Variants in XPO4 observed in about 807,000 individuals in gnomAD.
The protein encoded by XPO4 is exportin 4.
Under a neutral mutation model 143.0 loss-of-function variants are expected in XPO4, and 39 were observed. The observed-to-expected ratio is 0.27, with a 90% CI of 0.21 to 0.36. The LOEUF (loss-of-function observed/expected upper bound fraction) is 0.36. XPO4 is among the 10% of genes least tolerant of loss of function. The pLI is 1.00. For missense variants in XPO4, 907 were observed against 1,348.0 expected, an observed-to-expected ratio of 0.67 and a Z score of 5.12; for synonymous variants, 439 against 474.0, an observed-to-expected ratio of 0.93 and a Z score of 0.96.
chr13:20,891,707 C>CA (rs1008887168), intron 1 of XPO4, among the ~76,000 whole-genome samples: 9 of 151,416 alleles, frequency 5.9e-5, no homozygotes, highest in African/African-American at 1.9e-4. Context: ...TACTAAAATA[C>CA]AAAAAAATAG....
intron 4 of XPO4, chr13:20,850,877 G>C: frequency 1.0e-6 from 1 of 985,390 alleles, no homozygotes; most frequent in Admixed American, 6.1e-5. Context: ...CCTTCTAGAA[G>C]AGGTGTGAGG....
chr13:20,871,964 A>G (rs1474642792), intron 1 of XPO4, among the ~76,000 whole-genome samples: 2 of 152,218 alleles, frequency 1.3e-5, no homozygotes, highest in African/African-American at 4.8e-5. Context: ...AATATATTAA[A>G]TGGCAGGATG....
chr13:20,782,168 T>G lies in XPO4; in HGVS notation c.*1554A>C, dbSNP rs574265486. 2 of 152,368 alleles carry G rather than the reference T, an allele frequency of 1.3e-5. No individual in the cohort carries two copies. The highest frequency in any genetic ancestry group is 1.3e-4 in the Admixed American group (2 of 15,300). The allele number at this position is 152,368 out of a possible 1,614,324, so 9.4% of individuals were successfully genotyped here. On this transcript the variant is annotated 3_prime_UTR_variant, in exon 23 of 23. Transcript: ENST00000255305. The stretch of plus-strand genomic sequence containing the variant: ...AATAACACAGAATTATACAAAGTTT[T>G]GCACAGCATCACATGTAATGACACA...
chr13:20,895,752 C>T (rs1359289285), intron 1 of XPO4, among the ~76,000 whole-genome samples: 1 of 151,614 alleles, frequency 6.6e-6, no homozygotes, highest in Non-Finnish European at 1.5e-5. Flanking sequence ...TGCAATTTTT[C>T]GTCTTATTTT....
intron 1 of XPO4, among the ~76,000 whole-genome samples, chr13:20,888,797 CAA>C (rs2060483851): frequency 6.6e-6 from 1 of 150,556 alleles, no homozygotes; most frequent in African/African-American, 2.4e-5. Flanking sequence ...AGGATGAAGG[CAA>C]AAAGACACTT....
chr13:20,869,891 G>A (rs1004596357), intron 1 of XPO4, among the ~76,000 whole-genome samples: 1 of 152,056 alleles, frequency 6.6e-6, no homozygotes, highest in Admixed American at 6.6e-5. Context: ...GATAATTTGA[G>A]ATCAGGAATT....
intron 13 of XPO4, among the ~76,000 whole-genome samples, chr13:20,805,205 A>G (rs957782991): frequency 6.6e-6 from 1 of 152,104 alleles, no homozygotes; most frequent in Non-Finnish European, 1.5e-5. Context: ...TTGGCCTCCC[A>G]AAGTGCTAGG....
At chr13:20,828,433 T>C (rs574523521) in intron 6 of XPO4, among the ~76,000 whole-genome samples, 9 of 152,204 alleles carry the variant, frequency 5.9e-5, no homozygotes, top group Admixed American at 2.0e-4. Flanking sequence ...TAAATCGTTA[T>C]TTTTACAGAA....
At chr13:20,796,642 C>G in intron 17 of XPO4, 122 bp downstream of exon 17, 1 of 831,390 alleles carries the variant, frequency 1.2e-6, no homozygotes, top group Non-Finnish European at 1.6e-6. Flanking sequence ...TTTTAAAAAT[C>G]TTTTGAAGGA....
intron 1 of XPO4, among the ~76,000 whole-genome samples, chr13:20,870,786 T>C (rs1022646622): frequency 2.0e-5 from 3 of 152,034 alleles, no homozygotes; most frequent in Non-Finnish European, 4.4e-5. Context: ...TGTCTTTCCA[T>C]TTTCAAATTA....
chr13:20,876,524 C>G (rs1167773135), intron 1 of XPO4, among the ~76,000 whole-genome samples: 1 of 151,816 alleles, frequency 6.6e-6, no homozygotes, highest in East Asian at 1.9e-4. Context: ...TCATATTGTA[C>G]ATAATAATAA....
intron 1 of XPO4, among the ~76,000 whole-genome samples, chr13:20,870,460 A>G (rs1229937498): frequency 6.6e-6 from 1 of 151,796 alleles, no homozygotes; most frequent in Non-Finnish European, 1.5e-5. Context: ...TTACTAATAA[A>G]ACTGTGAGGG....
At chr13:20,895,254 T>C (rs758795618) in intron 1 of XPO4, among the ~76,000 whole-genome samples, 4 of 152,210 alleles carry the variant, frequency 2.6e-5, no homozygotes, top group Non-Finnish European at 4.4e-5. Flanking sequence ...TAAATTTTTA[T>C]ATTGTAAAAA....
rs1283500665 is a variant in XPO4, at chr13:20,843,820, T to C, written c.523A>G (p.Asn175Asp). Residue 175 changes from asparagine to aspartate, a missense_variant, in exon 5 of 23, where the codon AAC becomes GAC. Physicochemically the swap from Asn to Asp is conservative, Grantham distance 23. Coordinates refer to ENST00000255305, the MANE Select transcript of XPO4 (RefSeq NM_022459.5). ...TGGAATTCCATGCTCAATCCAATGTTGCTAGTTTTACTTGAACTTGAAAAT... is the reference window on the plus strand; with the variant it reads ...TGGAATTCCATGCTCAATCCAATGTCGCTAGTTTTACTTGAACTTGAAAAT... Reference protein sequence around the residue: ...SEFSSSSKTSNIGLSMEFHGN... With the variant: ...SEFSSSSKTSDIGLSMEFHGN... 4 of 1,613,508 alleles carry C rather than the reference T, an allele frequency of 2.5e-6. No homozygotes were observed. Among genetic ancestry groups the C allele is most frequent in the East Asian group, 2.2e-5 (1 of 44,770 alleles).
intron 4 of XPO4, 67 bp from the exon 5 acceptor site, chr13:20,843,953 G>A: frequency 8.3e-7 from 1 of 1,203,568 alleles, no homozygotes; most frequent in Middle Eastern, 1.9e-4. Context: ...CAATGCATTT[G>A]TTCAAACATA....
At chr13:20,842,652 C>A (rs1412628728) in intron 6 of XPO4, among the ~76,000 whole-genome samples, 1 of 152,214 alleles carries the variant, frequency 6.6e-6, no homozygotes, top group Non-Finnish European at 1.5e-5. Flanking sequence ...GCTCCGTCAT[C>A]CACCACGTTT....
chr13:20,833,196 TTAAA>T (rs573576883), intron 6 of XPO4, among the ~76,000 whole-genome samples: 701 of 152,174 alleles, frequency 4.6e-3, no homozygotes, highest in Admixed American at 9.2e-3. Flanking sequence ...CTTTCAATAA[TTAAA>T]TAATAAATAT....
intron 18 of XPO4, among the ~76,000 whole-genome samples, chr13:20,793,778 C>A (rs1166307202): frequency 6.6e-6 from 1 of 152,152 alleles, no homozygotes; most frequent in Non-Finnish European, 1.5e-5. Context: ...CACCCTTAAC[C>A]AAAGAAGACT....
chr13:20,890,173 G>A (rs1241956730), intron 1 of XPO4, among the ~76,000 whole-genome samples: 2 of 152,200 alleles, frequency 1.3e-5, no homozygotes, highest in African/African-American at 4.8e-5. Flanking sequence ...CAGGAGCTGG[G>A]CACGGTGGCT....
Sources: gnomAD v4.1 joint callset for allele counts (sites outside exome capture counted in the v4.1 genomes callset) on GRCh38, gnomAD v4.1.1 for gene constraint, MANE v1.5 for transcripts, NCBI Gene and HGNC (gene_info 2026-07-23, HGNC 2026-07-21) for gene names.